PCDHA2: variants seen among roughly 807,000 people sequenced by gnomAD.
PCDHA2 encodes protocadherin alpha-2.
A neutral mutation model predicts 66.0 loss-of-function variants in PCDHA2; 58 were observed. The observed-to-expected ratio is 0.88, with a 90% CI of 0.71 to 1.09. The LOEUF (loss-of-function observed/expected upper bound fraction) is 1.09, where lower values mean the gene tolerates loss of function less well. Among genes scored for constraint, PCDHA2 ranks in the 50% least tolerant of loss-of-function variants. PCDHA2 has a pLI of 0.00. For synonymous variants in PCDHA2, 634 were observed against 554.0 expected, an observed-to-expected ratio of 1.14 and a Z score of -2.03; for missense variants, 1,267 against 1,242.3, an observed-to-expected ratio of 1.02 and a Z score of -0.30.
At position 140,807,724 on chromosome 5, in the gene PCDHA2, T is replaced by A. The variant is rs782471672; in HGVS notation, c.2388+10372T>A. 6.2e-6 allele frequency: 10 copies of A among 1,614,174 alleles called. No homozygotes were observed. The East Asian group carries it at 2.2e-4, about 36-fold the overall frequency. On this transcript the variant is annotated intron_variant, in intron 1 of 3. Coordinates refer to ENST00000526136, the MANE Select transcript of PCDHA2 (RefSeq NM_018905.3). ...GACTGAGCCCAAATGAATACTTTTC[T>A]CTGGAAAAACCACCTGATGACGAGC... is the stretch of plus-strand genomic sequence containing the variant.
At chr5:140,835,595 C>G (rs1241128064) in intron 1 of PCDHA2, 25 of 1,613,818 alleles carry the variant, frequency 1.5e-5, no homozygotes, top group Admixed American at 5.0e-5. Context: ...TCAAGAATTA[C>G]TATTCATTGG....
At chr5:140,855,343 C>A (rs2043435489) in intron 1 of PCDHA2, among the ~76,000 whole-genome samples, 1 of 149,746 alleles carries the variant, frequency 6.7e-6, no homozygotes, top group African/African-American at 2.5e-5. Context: ...ACGATTTTCC[C>A]AAGTCATGTG....
chr5:140,973,178 G>A (rs188308697), intron 1 of PCDHA2, among the ~76,000 whole-genome samples: 1 of 152,282 alleles, frequency 6.6e-6, no homozygotes, highest in Admixed American at 6.5e-5. Flanking sequence ...CAAACCTTCA[G>A]TTATTTCTGC....
chr5:140,927,049 C>T (rs1554203972), intron 1 of PCDHA2: 5 of 1,611,932 alleles, frequency 3.1e-6, no homozygotes, highest in Non-Finnish European at 4.2e-6. Context: ...TATGTCCTCG[C>T]GGAACTTTCG....
At chr5:141,009,205 A>G (rs1325707221) in intron 3 of PCDHA2, among the ~76,000 whole-genome samples, 8 of 152,192 alleles carry the variant, frequency 5.3e-5, no homozygotes, top group Non-Finnish European at 1.2e-4. Flanking sequence ...CTATGATTCC[A>G]ACACTTTGGG....
intron 1 of PCDHA2, chr5:140,883,431 C>T: frequency 6.2e-7 from 1 of 1,614,172 alleles, no homozygotes. Flanking sequence ...GTCACCTGCA[C>T]CTTGACGCCG....
At position 140,822,235 on chromosome 5, in the gene PCDHA2, G is replaced by A. The variant is rs1554128532; in HGVS notation, c.2388+24883G>A. 2.5e-6 allele frequency: 4 copies of A among 1,614,250 alleles called. No individual in the cohort carries two copies. The highest frequency in any genetic ancestry group is 3.4e-6 in the Non-Finnish European group (4 of 1,180,040). On this transcript the variant is annotated intron_variant, in intron 1 of 3. Transcript: ENST00000526136. ...AATGCCAGATTCGCGGTTTCCGCTAGAGGGCGCGTCGGATTTGGATATTGG... is the reference window on the plus strand; with the variant it reads ...AATGCCAGATTCGCGGTTTCCGCTAAAGGGCGCGTCGGATTTGGATATTGG...
At chr5:140,901,340 T>G (rs1306421981) in intron 1 of PCDHA2, among the ~76,000 whole-genome samples, 1 of 152,206 alleles carries the variant, frequency 6.6e-6, no homozygotes, top group Non-Finnish European at 1.5e-5. Context: ...CGTTTTATAG[T>G]TTGATGTCTT....
chr5:140,835,869 G>T (rs781933371), intron 1 of PCDHA2: 1 of 1,612,094 alleles, frequency 6.2e-7, no homozygotes, highest in Non-Finnish European at 8.5e-7. Context: ...CTCGCTGGTG[G>T]AGCTGCGGGT....
chr5:140,829,366 A>G (rs17853691), intron 1 of PCDHA2: 1 of 1,614,210 alleles, frequency 6.2e-7, no homozygotes. Context: ...AGTTGGTGGT[A>G]ACCGCGCGGG....
intron 1 of PCDHA2, among the ~76,000 whole-genome samples, chr5:140,831,543 T>C: frequency 8.4e-6 from 1 of 118,834 alleles, no homozygotes; most frequent in East Asian, 2.4e-4. Flanking sequence ...TTTTTTTTTT[T>C]TAAGAGATGG....
rs115173372 is a variant in PCDHA2, at chr5:140,808,625, T to G, written c.2388+11273T>G. On this transcript the variant is annotated intron_variant, in intron 1 of 3. Coordinates refer to ENST00000526136, the MANE Select transcript of PCDHA2 (RefSeq NM_018905.3). ...CTGCCACATCTTCACTGTGTCTGCG[T>G]GGGACGCGGACGCGCAGGAGAACGC... 8.5e-4 allele frequency: 1,376 copies of G among 1,613,658 alleles called. 16 individuals are homozygous for G. In the African/African-American group the frequency reaches 0.017, roughly 19 times the overall value.
intron 1 of PCDHA2, chr5:140,834,742 A>T: frequency 1.2e-6 from 2 of 1,614,196 alleles, no homozygotes; most frequent in Non-Finnish European, 1.7e-6. Flanking sequence ...TTCCATGTGG[A>T]CGTGGAGGTG....
chr5:140,810,836 A>G (rs1562230266), intron 1 of PCDHA2: 1 of 152,108 alleles, frequency 6.6e-6, no homozygotes, highest in East Asian at 1.9e-4. Flanking sequence ...ATAGAAAGTC[A>G]TAATTTTGAT....
rs2150121696 is a variant in PCDHA2 at position 140,823,053 on chromosome 5, G to C, written c.2388+25701G>C. 3 of 1,614,190 alleles carry C rather than the reference G, an allele frequency of 1.9e-6. No homozygotes were observed. In the Admixed American group the frequency reaches 5.0e-5, roughly 27 times the overall value. On this transcript the variant is annotated intron_variant, in intron 1 of 3. Coordinates refer to ENST00000526136, the MANE Select transcript of PCDHA2 (RefSeq NM_018905.3). ...CGGTCTATGAGCTGGTGGTGACCGC[G>C]CGGGACGGGGGCTCGCCTTCGCTGT...
intron 1 of PCDHA2, among the ~76,000 whole-genome samples, chr5:140,844,878 G>A (rs2150374648): frequency 6.7e-6 from 1 of 149,434 alleles, no homozygotes; most frequent in East Asian, 1.9e-4. Flanking sequence ...ATACCCATTA[G>A]ACTTCGTGCA....
At chr5:140,863,421 CGTA>C in intron 1 of PCDHA2, 3 of 689,676 alleles carry the variant, frequency 4.3e-6, no homozygotes, top group Non-Finnish European at 7.6e-6. Flanking sequence ...TGTACCGCAG[CGTA>C]GTGGGATCTG....
chr5:140,884,506 G>T (rs10076265), intron 1 of PCDHA2: 2 of 1,614,054 alleles, frequency 1.2e-6, no homozygotes, highest in Admixed American at 3.3e-5. Flanking sequence ...GCGCGGCAGG[G>T]AGTTGGTCGT....
chr5:140,836,991 C>T, intron 1 of PCDHA2: 3 of 347,628 alleles, frequency 8.6e-6, no homozygotes, highest in African/African-American at 2.1e-5. Context: ...GAGGACTTTG[C>T]TAACTGGAGC....
Sources: allele counts gnomAD v4.1 joint callset (sites outside exome capture counted in the v4.1 genomes callset), GRCh38; gene constraint gnomAD v4.1.1; transcripts MANE v1.5; gene names NCBI Gene and HGNC (gene_info 2026-07-23, HGNC 2026-07-21).